Variants in F10 observed in about 807,000 individuals in gnomAD.
F10 encodes the protein Stuart-Prower factor.
In F10, 29 loss-of-function variants were observed where a neutral mutation model predicts 37.1. That is an observed-to-expected ratio of 0.78 (90% CI 0.58 to 1.07). The LOEUF (loss-of-function observed/expected upper bound fraction) is 1.07. F10 is among the 50% of genes least tolerant of loss of function. The probability of loss-of-function intolerance (pLI) is 0.00; values close to 1 mark genes in which losing one functional copy is unlikely to be tolerated. For missense variants in F10, 539 were observed against 667.9 expected, an observed-to-expected ratio of 0.81 and a Z score of 2.13; for synonymous variants, 262 against 268.6, an observed-to-expected ratio of 0.98 and a Z score of 0.24.
intron 1 of F10, among the ~76,000 whole-genome samples, chr13:113,127,156 C>A (rs1191679106): frequency 2.0e-5 from 3 of 152,224 alleles, no homozygotes; most frequent in African/African-American, 7.2e-5. Flanking sequence ...TTTATACAAT[C>A]TTTAAAACAG....
rs559054 is a variant in F10, at chr13:113,146,308, T to C, written c.748-1071T>C. Reference sequence around the variant, plus strand: ...CCTCCCAGTCCCAGGCACTGTGTGGTTGGGGCAAGAACCTCGATGCAGGAG... The same window carrying C: ...CCTCCCAGTCCCAGGCACTGTGTGGCTGGGGCAAGAACCTCGATGCAGGAG... On this transcript the variant is annotated intron_variant, in intron 6 of 7. Transcript: ENST00000375559. The surrounding 1 kb of genome is among the most constrained non-coding windows in gnomAD (Gnocchi z 4.5). Among the ~76,000 whole-genome samples the C allele has an allele frequency of 0.56, 85,477 of 151,832 alleles. 24,591 individuals carry two copies. Among genetic ancestry groups the C allele is most frequent in the Non-Finnish European group, 0.63 (42,776 of 67,920 alleles).
Position 113,143,041 on chromosome 13 carries a change from G to A in F10, c.503-810G>A, listed in dbSNP as rs1217095924. Among the ~76,000 whole-genome samples the A allele has an allele frequency of 3.3e-5, 5 of 152,040 alleles. No homozygotes were observed. The highest frequency in any genetic ancestry group is 4.1e-4 in the South Asian group (2 of 4,820). On this transcript the variant is annotated intron_variant, in intron 5 of 7. Transcript: ENST00000375559. The surrounding 1 kb of genome is among the most constrained non-coding windows in gnomAD (Gnocchi z 6.8). ...GGCACGGCGGGGTGGAGGCCCCTGC[G>A]GCTGGCAGATTCACCGGAGCCTCCT...
At position 113,129,469 on chromosome 13, in the gene F10, C is replaced by G. The variant is rs1187424434; in HGVS notation, c.88C>G (p.Gln30Glu). 2 of 1,613,904 alleles carry G rather than the reference C, an allele frequency of 1.2e-6. No homozygotes were observed. Among genetic ancestry groups the G allele is most frequent in the South Asian group, 2.2e-5 (2 of 91,052 alleles). ...LGESLFIRRE[Q>E]ANNILARVTR... ...CCTTCCAGTGTTCATCCGCAGGGAGCAGGCCAACAACATCCTGGCGAGGGT... is the reference window on the plus strand; with the variant it reads ...CCTTCCAGTGTTCATCCGCAGGGAGGAGGCCAACAACATCCTGGCGAGGGT... Residue 30 changes from glutamine (Q) to glutamate (E), a missense_variant, in exon 2 of 8, where the codon CAG becomes GAG. Gln to Glu is a conservative substitution (Grantham distance 29, BLOSUM62 2). Around this residue, in one of 2 missense-constraint regions of F10, gnomAD observed 130 missense variants for 120.0 expected, o/e 1.08. Coordinates refer to ENST00000375559, the MANE Select transcript of F10 (RefSeq NM_000504.4).
chr13:113,129,423 C>T, intron 1 of F10, 29 bp from the exon 2 acceptor site: 1 of 1,549,288 alleles, frequency 6.5e-7, no homozygotes, highest in African/African-American at 1.4e-5. Context: ...GTGACCAGAG[C>T]TTTTAACCCT....
intron 7 of F10, among the ~76,000 whole-genome samples, chr13:113,148,343 A>ATATATATATATATACAT: frequency 1.0e-5 from 1 of 99,196 alleles, no homozygotes; most frequent in East Asian, 5.0e-4. Context: ...AAAAAAAAAA[A>ATATATATATATATACAT]AAATATATAT....
At chr13:113,131,652 G>C (rs1242840951) in intron 2 of F10, 1 of 152,256 alleles carries the variant, frequency 6.6e-6, no homozygotes, top group East Asian at 1.9e-4. Context: ...AGGAGTTCCT[G>C]AAAGTGACTT....
rs1435797676 is a variant in F10 at position 113,143,852 on chromosome 13, G to A, written c.504G>A (p.Gly168=). The change falls in exon 6 of 8, where the codon GGG becomes GGA. Residue 168 remains glycine, a splice_region_variant and synonymous_variant. Transcript: ENST00000375559. This position sits in a 1 kb window ranked among gnomAD's most constrained non-coding sequence, Gnocchi z 6.8. ...CCCCGGCCGTCCTCTTTCTTTCAGGGCCCTACCCCTGTGGGAAACAGACCC... is the reference window on the plus strand; with the variant it reads ...CCCCGGCCGTCCTCTTTCTTTCAGGACCCTACCCCTGTGGGAAACAGACCC... ...ADNGKACIPT[G]PYPCGKQTLE... The A allele has an allele frequency of 6.2e-7, 1 of 1,612,124 alleles. No individual in the cohort carries two copies. Among genetic ancestry groups the A allele is most frequent in the Non-Finnish European group, 8.5e-7 (1 of 1,179,998 alleles).
At chr13:113,127,795 A>G (rs992809976) in intron 1 of F10, among the ~76,000 whole-genome samples, 1 of 152,206 alleles carries the variant, frequency 6.6e-6, no homozygotes, top group Non-Finnish European at 1.5e-5. Context: ...TTGTAATTGA[A>G]ACAGCATCAC....
intron 1 of F10, among the ~76,000 whole-genome samples, chr13:113,126,607 A>C (rs1264592910): frequency 6.6e-6 from 1 of 152,116 alleles, no homozygotes; most frequent in Non-Finnish European, 1.5e-5. Flanking sequence ...AGCAGAGAAA[A>C]AAGCAGGCAT....
At chr13:113,138,318 C>T (rs949542965) in intron 2 of F10, 139 bp from the exon 3 acceptor site, 2 of 537,362 alleles carry the variant, frequency 3.7e-6, no homozygotes, top group East Asian at 6.2e-5. Flanking sequence ...TTGAATAGTT[C>T]TAGAACAATT....
Position 113,143,472 on chromosome 13 carries a change from G to A in F10, c.503-379G>A, listed in dbSNP as rs2036551127. Among the ~76,000 whole-genome samples, 1 of 152,110 alleles carries A rather than the reference G, an allele frequency of 6.6e-6. No homozygotes were observed. The highest frequency in any genetic ancestry group is 1.5e-5 in the Non-Finnish European group (1 of 68,018). On this transcript the variant is annotated intron_variant, in intron 5 of 7. Transcript: ENST00000375559. The surrounding 1 kb of genome is among the most constrained non-coding windows in gnomAD (Gnocchi z 6.8). ...GCCCAGCACTTGGGTTCTCCTGTTG[G>A]CATCCTCCGGCCAGATGCATTCATC...
At position 113,144,365 on chromosome 13, in the gene F10, A is replaced by G; in HGVS notation, c.747+270A>G. ...CAGCCCCTTCCCACTGGGCATTTCCATGGCTGCCCGTGGCATGCCCAGGAC... is the reference window on the plus strand; with the variant it reads ...CAGCCCCTTCCCACTGGGCATTTCCGTGGCTGCCCGTGGCATGCCCAGGAC... On this transcript the variant is annotated intron_variant, in intron 6 of 7. Coordinates refer to ENST00000375559, the MANE Select transcript of F10 (RefSeq NM_000504.4). This position sits in a 1 kb window ranked among gnomAD's most constrained non-coding sequence, Gnocchi z 6.4. 3.5e-6 allele frequency: 2 copies of G among 568,944 alleles called. No homozygotes were observed. Among genetic ancestry groups the G allele is most frequent in the East Asian group, 3.0e-5 (1 of 33,074 alleles). 35.2% of individuals were successfully genotyped at this position (568,944 alleles called of 1,614,324 possible). A position where few individuals can be genotyped will look rare whatever the true frequency, so the allele number is the denominator to read the frequency against.
At chr13:113,132,182 T>A (rs1380643257) in intron 2 of F10, 1 of 152,264 alleles carries the variant, frequency 6.6e-6, no homozygotes, top group Non-Finnish European at 1.5e-5. Flanking sequence ...AAATGGCTTG[T>A]CTCTAACAGA....
intron 2 of F10, among the ~76,000 whole-genome samples, chr13:113,134,353 G>A (rs1447307319): frequency 6.6e-6 from 1 of 152,158 alleles, no homozygotes; most frequent in African/African-American, 2.4e-5. Flanking sequence ...AGGAAAAAAG[G>A]TTTAATTGAC....
rs1484460456 is a variant in F10, at chr13:113,143,822, G to A, written c.503-29G>A. On this transcript the variant is annotated intron_variant, in intron 5 of 7. Coordinates refer to ENST00000375559, the MANE Select transcript of F10 (RefSeq NM_000504.4). This position sits in a 1 kb window ranked among gnomAD's most constrained non-coding sequence, Gnocchi z 6.8. Reference sequence around the variant, plus strand: ...GCTATGGGGAGCCTCTCTCTGTGCTGAAGGCCCCGGCCGTCCTCTTTCTTT... The same window carrying A: ...GCTATGGGGAGCCTCTCTCTGTGCTAAAGGCCCCGGCCGTCCTCTTTCTTT... 6.2e-7 allele frequency: 1 copy of A among 1,609,038 alleles called. No homozygotes were observed. Among genetic ancestry groups the A allele is most frequent in the Non-Finnish European group, 8.5e-7 (1 of 1,179,958 alleles).
At position 113,139,431 on chromosome 13, in the gene F10, A is replaced by G; in HGVS notation, c.331A>G (p.Thr111Ala). 6.2e-7 allele frequency: 1 copy of G among 1,613,954 alleles called. No individual in the cohort carries two copies. Among genetic ancestry groups the G allele is most frequent in the Non-Finnish European group, 8.5e-7 (1 of 1,179,890 alleles). ...CKDGLGEYTC[T>A]CLEGFEGKNC... The stretch of plus-strand genomic sequence containing the variant: ...AGACGGCCTCGGGGAATACACCTGC[A>G]CCTGTTTAGAAGGATTCGAAGGCAA... The change falls in exon 4 of 8, where the codon ACC (threonine) becomes GCC (alanine). Residue 111 changes from threonine to alanine, a missense_variant. By Grantham distance (58) the Thr-to-Ala change is moderately conservative. Coordinates refer to ENST00000375559, the MANE Select transcript of F10 (RefSeq NM_000504.4). This position sits in a 1 kb window ranked among gnomAD's most constrained non-coding sequence, Gnocchi z 5.2.
rs758174303 is a variant in F10 at position 113,144,205 on chromosome 13, C to T, written c.747+110C>T. ...ATAGCAATCCGGGAAGGAACTGTTC[C>T]GAACTAGGACAGAGGGGCTCCGCCA... is the stretch of plus-strand genomic sequence containing the variant. On this transcript the variant is annotated intron_variant, in intron 6 of 7. Transcript: ENST00000375559. The surrounding 1 kb of genome is among the most constrained non-coding windows in gnomAD (Gnocchi z 6.4). 761 of 1,535,194 alleles carry T rather than the reference C, an allele frequency of 5.0e-4. No homozygotes were observed. The highest frequency in any genetic ancestry group is 5.7e-4 in the Non-Finnish European group (639 of 1,130,208).
intron 7 of F10, among the ~76,000 whole-genome samples, chr13:113,148,345 A>AATATAT (rs1555396300): frequency 1.6e-4 from 15 of 95,410 alleles, no homozygotes; most frequent in African/African-American, 4.7e-4. Context: ...AAAAAAAAAA[A>AATATAT]ATATATATAT....
chr13:113,135,098 C>T (rs1352667498), intron 2 of F10, among the ~76,000 whole-genome samples: 2 of 151,976 alleles, frequency 1.3e-5, no homozygotes, highest in East Asian at 1.9e-4. Flanking sequence ...CAAAAATTAG[C>T]TGGGCGTGGT....
Sources: gnomAD v4.1 joint callset for allele counts (sites outside exome capture counted in the v4.1 genomes callset) on GRCh38, gnomAD v4.1.1 for gene constraint, gnomAD v4.1.1 regional missense constraint, Gnocchi (gnomAD v3.1) non-coding constraint, MANE v1.5 for transcripts, NCBI Gene and HGNC (gene_info 2026-07-23, HGNC 2026-07-21) for gene names.